ZFC3H1: variants seen among roughly 807,000 people sequenced by gnomAD.
ZFC3H1 encodes the protein zinc finger C3H1 domain-containing protein.
Under a neutral mutation model 243.7 loss-of-function variants are expected in ZFC3H1, and 71 were observed. That is an observed-to-expected ratio of 0.29 (90% CI 0.24 to 0.36). The LOEUF is 0.36. ZFC3H1 is among the 10% of genes least tolerant of loss of function. The pLI is 1.00. For missense variants in ZFC3H1, 1,966 were observed against 2,317.1 expected (o/e 0.85, Z 3.11); for synonymous variants, 838 against 813.0 (o/e 1.03, Z -0.52).
chr12:71,644,598 C>T (rs188672272), intron 4 of ZFC3H1, among the ~76,000 whole-genome samples: 3 of 152,272 alleles, frequency 2.0e-5, no homozygotes, highest in Admixed American at 2.0e-4. Context: ...GAGTGGATCA[C>T]CTGACGTCAG....
chr12:71,619,476 A>AG (rs749539044), intron 26 of ZFC3H1, 67 bp from the exon 27 acceptor site: 48 of 1,477,828 alleles, frequency 3.2e-5, no homozygotes, highest in Non-Finnish European at 4.3e-5. Flanking sequence ...GTCACGAGGG[A>AG]GAAAAAAAGC....
intron 1 of ZFC3H1, among the ~76,000 whole-genome samples, chr12:71,661,536 G>A (rs2137569263): frequency 6.9e-6 from 1 of 145,432 alleles, no homozygotes; most frequent in Admixed American, 6.9e-5. Flanking sequence ...AGGATGGAGT[G>A]CAGTGGTGCA....
chr12:71,643,894 G>A (rs550128746), intron 5 of ZFC3H1, among the ~76,000 whole-genome samples: 39 of 152,304 alleles, frequency 2.6e-4, no homozygotes, highest in African/African-American at 8.7e-4. Flanking sequence ...CCTAAAAGCA[G>A]TCTCTGCTAA....
At position 71,640,847 on chromosome 12, in the gene ZFC3H1, G is replaced by A. The variant is rs566793869; in HGVS notation, c.1627+1589C>T. Reference sequence around the variant, plus strand: ...TCAGATCCTAAACTAGTTTTTTACCGTATTTGAATTCTCTTGGTTTTTTTT... The same window carrying A: ...TCAGATCCTAAACTAGTTTTTTACCATATTTGAATTCTCTTGGTTTTTTTT... On this transcript the variant is annotated intron_variant, in intron 6 of 34. Coordinates refer to ENST00000378743, the MANE Select transcript of ZFC3H1 (RefSeq NM_144982.5). Among the ~76,000 whole-genome samples the A allele has an allele frequency of 6.6e-5, 10 of 151,540 alleles. No homozygotes were observed. In the South Asian group the frequency reaches 1.3e-3, roughly 19 times the overall value.
At chr12:71,616,085 T>C (rs1247985423) in intron 27 of ZFC3H1, among the ~76,000 whole-genome samples, 1 of 150,770 alleles carries the variant, frequency 6.6e-6, no homozygotes, top group Non-Finnish European at 1.5e-5. Context: ...AGGTCAGGAG[T>C]TCAAGATCAG....
intron 32 of ZFC3H1, chr12:71,611,383 C>T: frequency 4.3e-6 from 1 of 234,986 alleles, no homozygotes; most frequent in East Asian, 7.4e-5. Flanking sequence ...AAAAAAAACA[C>T]CTCATAATTA....
In ZFC3H1 at chr12:71,629,078, T is replaced by C. The variant is rs563282438; in HGVS notation, c.3827-41A>G. The stretch of plus-strand genomic sequence containing the variant: ...GAAGATTGTTAATTGATATAACTAG[T>C]TTTTTTTTTAACATTTTGAAGGATA... On this transcript the variant is annotated intron_variant, in intron 19 of 34. Transcript: ENST00000378743. 6.7e-6 allele frequency: 9 copies of C among 1,336,754 alleles called. No homozygotes were observed. In the East Asian group the frequency reaches 2.0e-4, roughly 30 times the overall value. 82.8% of individuals were successfully genotyped at this position (1,336,754 alleles called of 1,614,324 possible). A position where few individuals can be genotyped will look rare whatever the true frequency, so the allele number is the denominator to read the frequency against.
chr12:71,638,270 A>G (rs993001973), intron 7 of ZFC3H1, 148 bp downstream of exon 7: 2 of 737,970 alleles, frequency 2.7e-6, no homozygotes, highest in African/African-American at 1.8e-5. Flanking sequence ...GGTATAATCA[A>G]CTGTTTATTC....
Position 71,610,327 on chromosome 12 carries a change from G to A in ZFC3H1, c.*101C>T. 7.2e-7 allele frequency: 1 copy of A among 1,385,896 alleles called. No homozygotes were observed. Among genetic ancestry groups the A allele is most frequent in the East Asian group, 2.3e-5 (1 of 43,516 alleles). The allele number at this position is 1,385,896 out of a possible 1,614,324, so 85.8% of individuals were successfully genotyped here. On this transcript the variant is annotated 3_prime_UTR_variant, in exon 35 of 35. Coordinates refer to ENST00000378743, the MANE Select transcript of ZFC3H1 (RefSeq NM_144982.5). ...TTGATATGATCAATAACGCTTGTCT[G>A]CCTTACACAGACCTTAGCCAGGGAT...
chr12:71,656,327 C>T, intron 2 of ZFC3H1: 1 of 390,026 alleles, frequency 2.6e-6, no homozygotes, highest in Non-Finnish European at 4.5e-6. Flanking sequence ...AAAGAAAAAA[C>T]AAGCCAAATC....
chr12:71,662,713 AAT>A (rs1881217470), intron 1 of ZFC3H1, among the ~76,000 whole-genome samples: 8 of 152,230 alleles, frequency 5.3e-5, no homozygotes, highest in Admixed American at 4.6e-4. Context: ...TACCAGCAAA[AAT>A]ACAAATGCTA....
At chr12:71,625,757 T>A (rs1880149021) in intron 22 of ZFC3H1, among the ~76,000 whole-genome samples, 1 of 152,170 alleles carries the variant, frequency 6.6e-6, no homozygotes, top group Admixed American at 6.5e-5. Flanking sequence ...TTTTTCTCAA[T>A]CAAATGTTTT....
chr12:71,627,917 G>T lies in ZFC3H1; in HGVS notation c.3964C>A (p.Gln1322Lys). ...GTATCCAGAGCTGGAACATTTATTTGGTTCTCTGGCTGGAAAGCTATTTAA... is the reference window on the plus strand; with the variant it reads ...GTATCCAGAGCTGGAACATTTATTTTGTTCTCTGGCTGGAAAGCTATTTAA... ...PIKYAFQPEN[Q>K]INVPALDTVV... The change falls in exon 21 of 35, where the codon CAA becomes AAA. Residue 1322 changes from glutamine to lysine, a missense_variant. By Grantham distance (53) the Gln-to-Lys change is moderately conservative. Transcript: ENST00000378743. 1 of 1,611,600 alleles carries T rather than the reference G, an allele frequency of 6.2e-7. No homozygotes were observed.
intron 6 of ZFC3H1, among the ~76,000 whole-genome samples, chr12:71,641,140 T>C (rs1218213457): frequency 6.6e-6 from 1 of 152,166 alleles, no homozygotes; most frequent in Non-Finnish European, 1.5e-5. Flanking sequence ...GCATAGATCA[T>C]AAAGTTATTT....
At chr12:71,636,819 C>T in intron 8 of ZFC3H1, 31 bp downstream of exon 8, 4 of 1,607,850 alleles carry the variant, frequency 2.5e-6, no homozygotes, top group Non-Finnish European at 3.4e-6. Flanking sequence ...AGCTCAAGAG[C>T]ACCACCTAGA....
chr12:71,655,215 A>G (rs1043020826), intron 2 of ZFC3H1, among the ~76,000 whole-genome samples: 1 of 152,186 alleles, frequency 6.6e-6, no homozygotes, highest in Non-Finnish European at 1.5e-5. Context: ...TAGCAATCTT[A>G]TTTTCTGACA....
chr12:71,644,375 G>T, intron 4 of ZFC3H1, 57 bp from the exon 5 acceptor site: 2 of 1,533,940 alleles, frequency 1.3e-6, no homozygotes, highest in Non-Finnish European at 1.8e-6. Context: ...AGAAAAATAA[G>T]AGTCTTAAAA....
At chr12:71,627,126 TAA>T (rs35254500) in intron 21 of ZFC3H1, among the ~76,000 whole-genome samples, 25 of 147,500 alleles carry the variant, frequency 1.7e-4, no homozygotes, top group Admixed American at 3.3e-4. Flanking sequence ...AAGAAACGTG[TAA>T]AAAAAAAAAA....
At position 71,642,792 on chromosome 12, in the gene ZFC3H1, G is replaced by A. The variant is rs1487629097; in HGVS notation, c.1504-233C>T. ...TTTCCAAAGTACGAGCTATACAGAC[G>A]AAATCCCCCATTGTTAGCTGAGCCA... is the stretch of plus-strand genomic sequence containing the variant. On this transcript the variant is annotated intron_variant, in intron 5 of 34. Coordinates refer to ENST00000378743, the MANE Select transcript of ZFC3H1 (RefSeq NM_144982.5). Among the ~76,000 whole-genome samples the A allele has an allele frequency of 3.9e-5, 6 of 152,040 alleles. No individual in the cohort carries two copies. In the East Asian group the frequency reaches 7.7e-4, roughly 20 times the overall value.
Sources: allele counts gnomAD v4.1 joint callset (sites outside exome capture counted in the v4.1 genomes callset), GRCh38; gene constraint gnomAD v4.1.1; transcripts MANE v1.5; gene names NCBI Gene and HGNC (gene_info 2026-07-23, HGNC 2026-07-21).